Variants in KATNA1 observed in about 807,000 individuals in gnomAD.
KATNA1 encodes katanin catalytic subunit A1.
KATNA1 carries 42 observed loss-of-function variants against 62.6 expected under a neutral mutation model. The observed-to-expected ratio is 0.67, with a 90% CI of 0.52 to 0.87. The LOEUF (loss-of-function observed/expected upper bound fraction) is 0.87. Ranked by LOEUF, KATNA1 falls within the 40% of genes least tolerant of loss-of-function variation. KATNA1 has a pLI of 0.00. For missense variants in KATNA1, 498 were observed against 612.5 expected (o/e 0.81, Z 1.97); for synonymous variants, 186 against 201.9 (o/e 0.92, Z 0.67).
intron 4 of KATNA1, among the ~76,000 whole-genome samples, chr6:149,607,493 A>T (rs1405175531): frequency 6.6e-6 from 1 of 152,096 alleles, no homozygotes; most frequent in Non-Finnish European, 1.5e-5. Context: ...ACATGCCTGT[A>T]GTCCCAGCTA....
intron 6 of KATNA1, among the ~76,000 whole-genome samples, chr6:149,602,299 G>A (rs1166032545): frequency 6.6e-6 from 1 of 152,268 alleles, no homozygotes; most frequent in South Asian, 2.1e-4. Context: ...CCCGTTAGGC[G>A]GAGATTGCAG....
chr6:149,641,854 G>A (rs1159775075), intron 1 of KATNA1, among the ~76,000 whole-genome samples: 2 of 152,156 alleles, frequency 1.3e-5, no homozygotes, highest in Non-Finnish European at 2.9e-5. Context: ...ACAGACAGGA[G>A]TGACCAATAA....
chr6:149,628,762 G>GTGAGC (rs796695732), intron 3 of KATNA1, among the ~76,000 whole-genome samples: 38 of 151,230 alleles, frequency 2.5e-4, no homozygotes, highest in African/African-American at 8.7e-4. Context: ...AGAGGTTGCA[G>GTGAGC]TGAGCTGAGA....
intron 4 of KATNA1, among the ~76,000 whole-genome samples, chr6:149,610,892 T>C (rs1433630597): frequency 6.6e-6 from 1 of 152,042 alleles, no homozygotes; most frequent in African/African-American, 2.4e-5. Context: ...TGAGACCAGC[T>C]TGGCCAACGT....
intron 1 of KATNA1, among the ~76,000 whole-genome samples, chr6:149,645,696 C>T (rs575719140): frequency 6.6e-5 from 10 of 152,100 alleles, no homozygotes; most frequent in Admixed American, 1.3e-4. Flanking sequence ...TGCTTACATG[C>T]CTTGAGTATT....
In KATNA1 at chr6:149,643,260, A is replaced by G. The variant is rs1040370072; in HGVS notation, c.-13-4700T>C. On this transcript the variant is annotated intron_variant, in intron 1 of 10. Transcript: ENST00000367411. ...TGAATCTTTCCTCACTAGAGCCTTG[A>G]GATGACTACAGGCCTGGCCAATACC... Among the ~76,000 whole-genome samples the G allele has an allele frequency of 5.3e-5, 8 of 152,338 alleles. No individual in the cohort carries two copies. In the East Asian group the frequency reaches 1.5e-3, roughly 29 times the overall value.
chr6:149,608,246 T>C (rs1274314157), intron 4 of KATNA1, among the ~76,000 whole-genome samples: 1 of 152,148 alleles, frequency 6.6e-6, no homozygotes, highest in Non-Finnish European at 1.5e-5. Context: ...GTATTATACA[T>C]ACCACAAACA....
Position 149,597,072 on chromosome 6 carries a change from T to G in KATNA1, c.1268A>C (p.Asn423Thr), listed in dbSNP as rs1237009181. 10 of 1,613,936 alleles carry G rather than the reference T, an allele frequency of 6.2e-6. No homozygotes were observed. The highest frequency in any genetic ancestry group is 8.5e-6 in the Non-Finnish European group (10 of 1,179,996). The change falls in exon 10 of 11, where the codon AAC (asparagine) becomes ACC (threonine). Residue 423 changes from asparagine (N) to threonine (T), a missense_variant. By Grantham distance (65) the Asn-to-Thr change is moderately conservative. Around this residue, in one of 3 missense-constraint regions of KATNA1, gnomAD observed 267 missense variants for 372.6 expected, o/e 0.72. Coordinates refer to ENST00000367411, the MANE Select transcript of KATNA1 (RefSeq NM_007044.4). ...MEGYSGADIT[N>T]VCRDASLMAM... ...CCATGATAATTCATACCTGCACACG[T>G]TGGTAATGTCCGCACCTGAATAACC...
At chr6:149,611,331 G>A (rs532791763) in intron 4 of KATNA1, among the ~76,000 whole-genome samples, 19 of 151,318 alleles carry the variant, frequency 1.3e-4, no homozygotes, top group East Asian at 2.0e-4. Flanking sequence ...GAGTGGTGGC[G>A]GGGGCCTGTA....
At chr6:149,609,850 C>T (rs1401292326) in intron 4 of KATNA1, among the ~76,000 whole-genome samples, 53 of 144,126 alleles carry the variant, frequency 3.7e-4, no homozygotes, top group African/African-American at 1.3e-3. Flanking sequence ...TCTGTAATCC[C>T]AGCACTTTGG....
chr6:149,617,869 G>A (rs752536797), intron 4 of KATNA1, among the ~76,000 whole-genome samples: 2 of 151,316 alleles, frequency 1.3e-5, no homozygotes, highest in Non-Finnish European at 2.9e-5. Context: ...CTGAGAGGTG[G>A]AGGTTGCAGT....
intron 4 of KATNA1, among the ~76,000 whole-genome samples, chr6:149,618,449 G>C (rs1339015599): frequency 6.6e-6 from 1 of 151,850 alleles, no homozygotes; most frequent in Non-Finnish European, 1.5e-5. Flanking sequence ...CTGCACTCCA[G>C]ACTGGGTGAT....
intron 2 of KATNA1, among the ~76,000 whole-genome samples, chr6:149,634,079 C>A (rs984201568): frequency 1.3e-5 from 2 of 151,880 alleles, no homozygotes; most frequent in Non-Finnish European, 2.9e-5. Flanking sequence ...TCAAGACCAG[C>A]CTGGCCAACA....
intron 4 of KATNA1, among the ~76,000 whole-genome samples, chr6:149,619,321 A>G (rs185295434): frequency 5.9e-5 from 9 of 152,266 alleles, no homozygotes; most frequent in African/African-American, 1.7e-4. Context: ...GTAAGCAAAA[A>G]GACAAAAACT....
intron 3 of KATNA1, among the ~76,000 whole-genome samples, chr6:149,623,727 G>A: frequency 6.6e-6 from 1 of 151,924 alleles, no homozygotes; most frequent in East Asian, 1.9e-4. Flanking sequence ...AACAGAACGA[G>A]ACTCCGTTTC....
intron 2 of KATNA1, among the ~76,000 whole-genome samples, chr6:149,634,131 G>C (rs1779965066): frequency 6.6e-6 from 1 of 151,636 alleles, no homozygotes; most frequent in Non-Finnish European, 1.5e-5. Flanking sequence ...AAATTAGCTG[G>C]GTGTGGTGGC....
rs1363344603 is a variant in KATNA1, at chr6:149,623,274, T to C, written c.330A>G (p.Pro110=). 2.5e-6 allele frequency: 4 copies of C among 1,596,650 alleles called. No homozygotes were observed. Among genetic ancestry groups the C allele is most frequent in the Non-Finnish European group, 1.7e-6 (2 of 1,175,462 alleles). Residue 110 remains proline, a synonymous_variant, in exon 4 of 11, where the codon CCA becomes CCG. Transcript: ENST00000367411. ...MPVPVERRPS[P]GPRKRQSSQY... ...GAGAAGATTGGCGTTTTCTAGGTCC[T>C]GGTGAGGGTCTAATCAAACAAAAAC...
intron 3 of KATNA1, among the ~76,000 whole-genome samples, chr6:149,630,421 G>A (rs1360825955): frequency 6.6e-6 from 1 of 152,204 alleles, no homozygotes. Context: ...CTGAGGTCAG[G>A]AGTTCAAGAC....
At chr6:149,595,379 T>C (rs960057427) in intron 10 of KATNA1, 145 bp from the exon 11 acceptor site, 8 of 543,532 alleles carry the variant, frequency 1.5e-5, no homozygotes, top group Admixed American at 7.3e-5. Flanking sequence ...TAGAAACTTA[T>C]TGGAATACAA....
Sources: allele counts gnomAD v4.1 joint callset (sites outside exome capture counted in the v4.1 genomes callset), GRCh38; gene constraint gnomAD v4.1.1; regional missense constraint gnomAD v4.1.1; transcripts MANE v1.5; gene names NCBI Gene and HGNC (gene_info 2026-07-23, HGNC 2026-07-21).